The following GPR158 variants were observed in gnomAD, a reference collection of about 807,000 sequenced individuals.
The protein encoded by GPR158 is G protein-coupled receptor 158.
GPR158 carries 30 observed loss-of-function variants against 78.2 expected under a neutral mutation model. The observed-to-expected ratio is 0.38, with a 90% CI of 0.29 to 0.52. GPR158 has a LOEUF of 0.52. GPR158 is among the 20% of genes least tolerant of loss of function. The pLI, the probability that GPR158 is intolerant of heterozygous loss-of-function variation, is 0.83. For synonymous variants in GPR158, 581 were observed against 591.1 expected (o/e 0.98, Z 0.25); for missense variants, 1,463 against 1,523.5 (o/e 0.96, Z 0.66).
At chr10:25,376,545 C>T (rs1834082888) in intron 2 of GPR158, among the ~76,000 whole-genome samples, 1 of 151,646 alleles carries the variant, frequency 6.6e-6, no homozygotes, top group African/African-American at 2.4e-5. Flanking sequence ...TTAAACCATA[C>T]ATATTGATTT....
rs745646361 is a variant in GPR158 at position 25,599,306 on chromosome 10, C to T, written c.*32C>T. 2.0e-6 allele frequency: 3 copies of T among 1,474,502 alleles called. No homozygotes were observed. The highest frequency in any genetic ancestry group is 2.3e-5 in the East Asian group (1 of 44,020). The allele number at this position is 1,474,502 out of a possible 1,614,324, so 91.3% of individuals were successfully genotyped here. On this transcript the variant is annotated 3_prime_UTR_variant, in exon 11 of 11. Transcript: ENST00000376351. Reference sequence around the variant, plus strand: ...CAGGAAGAAGAGGAAAAGGAGGGAACCCCGGATTGGATATGAGACAGAAGA... The same window carrying T: ...CAGGAAGAAGAGGAAAAGGAGGGAATCCCGGATTGGATATGAGACAGAAGA...
chr10:25,430,883 C>T (rs1201396679), intron 4 of GPR158, among the ~76,000 whole-genome samples: 1 of 151,652 alleles, frequency 6.6e-6, no homozygotes, highest in Admixed American at 6.6e-5. Context: ...AAAGACTTAA[C>T]CGTTAGACCT....
At chr10:25,559,501 G>A (rs977831211) in intron 6 of GPR158, among the ~76,000 whole-genome samples, 1 of 152,108 alleles carries the variant, frequency 6.6e-6, no homozygotes, top group African/African-American at 2.4e-5. Flanking sequence ...TGTGAACAGA[G>A]ATTTACCTGC....
intron 4 of GPR158, among the ~76,000 whole-genome samples, chr10:25,442,208 GT>G (rs58389911): frequency 0.19 from 29,519 of 152,018 alleles, 3,636 homozygotes; most frequent in African/African-American, 0.36. Flanking sequence ...GAGTTTTAAG[GT>G]TTTTTTATTT....
At chr10:25,385,535 C>A (rs1651908857) in intron 2 of GPR158, among the ~76,000 whole-genome samples, 1 of 152,004 alleles carries the variant, frequency 6.6e-6, no homozygotes, top group Non-Finnish European at 1.5e-5. Context: ...TTTTTGAGAA[C>A]CTTCATACTG....
chr10:25,262,734 G>A (rs1468936900), intron 2 of GPR158, among the ~76,000 whole-genome samples: 1 of 152,088 alleles, frequency 6.6e-6, no homozygotes, highest in Non-Finnish European at 1.5e-5. Flanking sequence ...TTATCATCTG[G>A]AGTTCATAGC....
intron 3 of GPR158, among the ~76,000 whole-genome samples, chr10:25,400,431 G>A (rs528060485): frequency 1.1e-4 from 17 of 152,184 alleles, no homozygotes; most frequent in East Asian, 3.9e-4. Flanking sequence ...TATTTAGACC[G>A]AGGCCCACAG....
intron 2 of GPR158, among the ~76,000 whole-genome samples, chr10:25,259,870 CT>C (rs542097655): frequency 3.4e-4 from 52 of 151,312 alleles, no homozygotes; most frequent in East Asian, 1.9e-3. Flanking sequence ...TTAAAAATTG[CT>C]TTTTTTTGAC....
At chr10:25,196,565 CG>C (rs1282082041) in intron 1 of GPR158, among the ~76,000 whole-genome samples, 1 of 152,154 alleles carries the variant, frequency 6.6e-6, no homozygotes, top group Non-Finnish European at 1.5e-5. Context: ...TTAGGTGGGA[CG>C]TATCTTGTGA....
intron 4 of GPR158, among the ~76,000 whole-genome samples, chr10:25,440,675 G>A (rs1773654): frequency 0.82 from 125,108 of 152,192 alleles, 52,590 homozygotes; most frequent in African/African-American, 0.88. Context: ...TATTTATAAA[G>A]GTACTAGATA....
intron 9 of GPR158, among the ~76,000 whole-genome samples, chr10:25,595,931 A>G (rs1837398989): frequency 6.6e-6 from 1 of 152,204 alleles, no homozygotes; most frequent in African/African-American, 2.4e-5. Context: ...AAAATATTAT[A>G]GAGGGGCATT....
At chr10:25,547,411 C>G (rs1481811197) in intron 5 of GPR158, among the ~76,000 whole-genome samples, 1 of 152,158 alleles carries the variant, frequency 6.6e-6, no homozygotes, top group East Asian at 1.9e-4. Context: ...GTCTTACTGG[C>G]TGTAACTATA....
intron 5 of GPR158, among the ~76,000 whole-genome samples, chr10:25,514,394 G>A (rs2130672986): frequency 6.6e-6 from 1 of 152,152 alleles, no homozygotes; most frequent in Non-Finnish European, 1.5e-5. Context: ...GTTTATGTGA[G>A]TCCTTATATG....
intron 4 of GPR158, among the ~76,000 whole-genome samples, chr10:25,464,346 G>C (rs1321663036): frequency 1.3e-5 from 2 of 152,114 alleles, no homozygotes; most frequent in African/African-American, 2.4e-5. Context: ...CCCTGGGAAG[G>C]TCCCCCACTC....
At chr10:25,399,998 G>A (rs1036368998) in intron 3 of GPR158, among the ~76,000 whole-genome samples, 1 of 152,066 alleles carries the variant, frequency 6.6e-6, no homozygotes, top group South Asian at 2.1e-4. Flanking sequence ...ACAGTACATG[G>A]CATATAATAA....
In GPR158 at chr10:25,316,887, TTGTGTG is replaced by T. The variant is rs35949163; in HGVS notation, c.1009-79006_1009-79001del. Among the ~76,000 whole-genome samples, 295 of 127,244 alleles carry T rather than the reference TTGTGTG, an allele frequency of 2.3e-3. 4 individuals are homozygous for T. The highest frequency in any genetic ancestry group is 0.02 in the Admixed American group (271 of 13,238). The allele number at this position is 127,244 out of a possible 152,430, so 83.5% of individuals were successfully genotyped here. A position where few individuals can be genotyped will look rare whatever the true frequency, so the allele number is the denominator to read the frequency against. The stretch of plus-strand genomic sequence containing the variant: ...TATATTTATATATGTATGTATGTAT[TTGTGTG>T]TGTGTGTGTGTGTGTGTTTATGTGT... On this transcript the variant is annotated intron_variant, in intron 2 of 10. Transcript: ENST00000376351.
chr10:25,278,403 T>C (rs1184660742), intron 2 of GPR158, among the ~76,000 whole-genome samples: 1 of 151,958 alleles, frequency 6.6e-6, no homozygotes, highest in Non-Finnish European at 1.5e-5. Flanking sequence ...AGATGAAAAA[T>C]ATGAGCGATT....
At chr10:25,337,122 A>G (rs1489955196) in intron 2 of GPR158, among the ~76,000 whole-genome samples, 1 of 152,148 alleles carries the variant, frequency 6.6e-6, no homozygotes, top group East Asian at 1.9e-4. Context: ...GAACCACTTC[A>G]TACAGTGTTA....
intron 2 of GPR158, among the ~76,000 whole-genome samples, chr10:25,366,102 AATTT>A (rs1855719456): frequency 6.6e-6 from 1 of 151,398 alleles, no homozygotes; most frequent in African/African-American, 2.4e-5. Flanking sequence ...AATATAGCAC[AATTT>A]ATTTCTTCAT....
Sources: allele counts gnomAD v4.1 joint callset (sites outside exome capture counted in the v4.1 genomes callset), GRCh38; gene constraint gnomAD v4.1.1; transcripts MANE v1.5; gene names NCBI Gene and HGNC (gene_info 2026-07-23, HGNC 2026-07-21).